ANKS1B: variants seen among roughly 807,000 people sequenced by gnomAD.
The protein encoded by ANKS1B is ankyrin repeat and sterile alpha motif domain-containing protein 1B.
A neutral mutation model predicts 148.3 loss-of-function variants in ANKS1B; 36 were observed. That is an observed-to-expected ratio of 0.24 (90% CI 0.19 to 0.32). The LOEUF is 0.32. Among genes scored for constraint, ANKS1B ranks in the 10% least tolerant of loss-of-function variants. The pLI is 1.00. For synonymous variants in ANKS1B, 542 were observed against 560.8 expected (o/e 0.97, Z 0.47); for missense variants, 1,157 against 1,542.6 (o/e 0.75, Z 4.19).
intron 17 of ANKS1B, among the ~76,000 whole-genome samples, chr12:98,854,054 C>G (rs1308455873): frequency 6.6e-6 from 1 of 152,220 alleles, no homozygotes; most frequent in Non-Finnish European, 1.5e-5. Flanking sequence ...ATGCAAACCA[C>G]ATGAGTCAAT....
At chr12:99,525,806 G>T (rs1255553782) in intron 9 of ANKS1B, among the ~76,000 whole-genome samples, 1 of 151,872 alleles carries the variant, frequency 6.6e-6, no homozygotes, top group Admixed American at 6.6e-5. Flanking sequence ...CATAACCAAG[G>T]TTGTACAGAA....
chr12:98,859,224 A>T (rs2099586725), intron 17 of ANKS1B, among the ~76,000 whole-genome samples: 1 of 152,224 alleles, frequency 6.6e-6, no homozygotes, highest in African/African-American at 2.4e-5. Flanking sequence ...GTTACAAAAA[A>T]TGACTTCAAT....
chr12:99,355,939 T>C (rs1234580946), intron 12 of ANKS1B, among the ~76,000 whole-genome samples: 1 of 152,106 alleles, frequency 6.6e-6, no homozygotes, highest in Non-Finnish European at 1.5e-5. Context: ...GGATGGAAAT[T>C]ATAATAAAAT....
intron 12 of ANKS1B, among the ~76,000 whole-genome samples, chr12:99,324,717 T>C (rs987451842): frequency 1.3e-5 from 2 of 152,170 alleles, no homozygotes; most frequent in African/African-American, 2.4e-5. Flanking sequence ...TTCTTGACTA[T>C]GAAGAGGCTG....
At chr12:99,950,317 T>C (rs2153822342) in intron 1 of ANKS1B, among the ~76,000 whole-genome samples, 1 of 152,050 alleles carries the variant, frequency 6.6e-6, no homozygotes, top group South Asian at 2.1e-4. Context: ...TTTGGATATT[T>C]CCTGACTGAT....
intron 12 of ANKS1B, among the ~76,000 whole-genome samples, chr12:99,374,146 A>T (rs2093281242): frequency 1.3e-5 from 2 of 152,342 alleles, no homozygotes; most frequent in South Asian, 4.1e-4. Context: ...TTGACACATG[A>T]TTTCCAGAAG....
chr12:99,668,810 G>A (rs557087261), intron 8 of ANKS1B, among the ~76,000 whole-genome samples: 1 of 151,722 alleles, frequency 6.6e-6, no homozygotes, highest in Non-Finnish European at 1.5e-5. Context: ...TTTTTTCACA[G>A]GCTCTGTTAT....
rs184905953 is a variant in ANKS1B at position 98,773,360 on chromosome 12, T to C, written c.3442-181A>G. On this transcript the variant is annotated intron_variant, in intron 24 of 26. Coordinates refer to ENST00000683438, the MANE Select transcript of ANKS1B (RefSeq NM_001352186.2). ...ATGAATACCAGATATGGAAGAAATA[T>C]TTTCATTTAATTAAAAACAACCTAA... Among the ~76,000 whole-genome samples the C allele has an allele frequency of 2.1e-4, 32 of 152,304 alleles. 1 individual carries two copies. Among genetic ancestry groups the C allele is most frequent in the African/African-American group, 5.8e-4 (24 of 41,574 alleles).
At chr12:98,824,402 C>A (rs2099228991) in intron 19 of ANKS1B, among the ~76,000 whole-genome samples, 1 of 152,348 alleles carries the variant, frequency 6.6e-6, no homozygotes, top group South Asian at 2.1e-4. Context: ...CCCTTCAACT[C>A]TCTTTGTCAT....
chr12:99,653,108 C>G (rs867037637), intron 9 of ANKS1B, among the ~76,000 whole-genome samples: 3 of 151,876 alleles, frequency 2.0e-5, no homozygotes, highest in African/African-American at 4.8e-5. Context: ...CCAGTCTTCA[C>G]CAAGGAAATG....
intron 14 of ANKS1B, among the ~76,000 whole-genome samples, chr12:99,217,269 A>C (rs2084365301): frequency 6.6e-6 from 1 of 151,750 alleles, no homozygotes; most frequent in African/African-American, 2.4e-5. Flanking sequence ...AAAGTCACTC[A>C]TGTGTGCCAA....
intron 1 of ANKS1B, among the ~76,000 whole-genome samples, chr12:99,920,666 A>G (rs1268240452): frequency 6.6e-6 from 1 of 152,100 alleles, no homozygotes; most frequent in Non-Finnish European, 1.5e-5. Flanking sequence ...GACCAAATCT[A>G]AAGGCCTGAG....
chr12:99,280,997 CA>C (rs1346315528), intron 12 of ANKS1B, among the ~76,000 whole-genome samples: 1 of 151,960 alleles, frequency 6.6e-6, no homozygotes, highest in African/African-American at 2.4e-5. Context: ...CCTTGACTAA[CA>C]CATGAGCCTA....
At chr12:99,086,018 T>C (rs559230918) in intron 15 of ANKS1B, among the ~76,000 whole-genome samples, 2 of 152,160 alleles carry the variant, frequency 1.3e-5, no homozygotes, top group East Asian at 3.9e-4. Flanking sequence ...AAAATAAAAG[T>C]TAAAAAAATT....
intron 17 of ANKS1B, among the ~76,000 whole-genome samples, chr12:99,030,857 G>A (rs892428511): frequency 1.3e-5 from 2 of 152,152 alleles, no homozygotes; most frequent in African/African-American, 2.4e-5. Context: ...CATATGCAAA[G>A]AAGGGTCATT....
In ANKS1B at chr12:98,957,308, T is replaced by A. The variant is rs532069533; in HGVS notation, c.2778+95849A>T. ...ACAGTGGATGCTCCAGGATTTTTTT[T>A]AAATATTTATTTATTTATTTATTTA... On this transcript the variant is annotated intron_variant, in intron 17 of 26. Coordinates refer to ENST00000683438, the MANE Select transcript of ANKS1B (RefSeq NM_001352186.2). Among the ~76,000 whole-genome samples, 825 of 142,572 alleles carry A rather than the reference T, an allele frequency of 5.8e-3. 5 individuals are homozygous for A. Among genetic ancestry groups the A allele is most frequent in the African/African-American group, 0.019 (717 of 37,430 alleles). The allele number at this position is 142,572 out of a possible 152,430, so 93.5% of individuals were successfully genotyped here.
At chr12:99,075,835 AAT>A (rs35649943) in intron 16 of ANKS1B, among the ~76,000 whole-genome samples, 81,508 of 147,090 alleles carry the variant, frequency 0.55, 23,512 homozygotes, top group East Asian at 0.74. Flanking sequence ...TCGTATATAT[AAT>A]ATATGTTTTA....
chr12:99,218,956 C>A (rs1387328766), intron 14 of ANKS1B, among the ~76,000 whole-genome samples: 2 of 152,218 alleles, frequency 1.3e-5, no homozygotes, highest in Non-Finnish European at 2.9e-5. Flanking sequence ...TATACATAAA[C>A]ATGAAATCAT....
At chr12:98,908,157 T>C (rs2099781986) in intron 17 of ANKS1B, among the ~76,000 whole-genome samples, 1 of 152,152 alleles carries the variant, frequency 6.6e-6, no homozygotes, top group Non-Finnish European at 1.5e-5. Flanking sequence ...ACCTGTCTGC[T>C]GTGGGTTGGG....
Sources: allele counts gnomAD v4.1 joint callset (sites outside exome capture counted in the v4.1 genomes callset), GRCh38; gene constraint gnomAD v4.1.1; transcripts MANE v1.5; gene names NCBI Gene and HGNC (gene_info 2026-07-23, HGNC 2026-07-21).